The following DACH2 variants were observed in gnomAD, a reference collection of about 807,000 sequenced individuals.
DACH2 encodes dachshund homolog 2.
DACH2 carries 17 observed loss-of-function variants against 35.8 expected under a neutral mutation model. The ratio of observed to expected loss-of-function variants is 0.48; its 90% CI spans 0.33 to 0.71. The LOEUF is 0.71. Among genes scored for constraint, DACH2 ranks in the 30% least tolerant of loss-of-function variants. DACH2 has a pLI of 0.02. For synonymous variants in DACH2, 195 were observed against 177.3 expected (o/e 1.10, Z -0.79); for missense variants, 469 against 472.7 (o/e 0.99, Z 0.07).
At chrX:86,360,293 T>C (rs763745764) in intron 1 of DACH2, among the ~76,000 whole-genome samples, 1 of 111,271 alleles carries the variant, frequency 9.0e-6, no homozygotes, top group African/African-American at 3.3e-5. Context: ...TACAGAATGA[T>C]CTCTTTCCCA....
At chrX:86,169,585 C>CT (rs1313235288) in intron 1 of DACH2, among the ~76,000 whole-genome samples, 2 of 110,168 alleles carry the variant, frequency 1.8e-5, no homozygotes, top group African/African-American at 3.3e-5. Flanking sequence ...TTCGTATTCT[C>CT]TTTTTTTGTC....
chrX:86,637,206 CAAAAAAAAAAAAAAAAAAAA>C (rs772970002), intron 3 of DACH2, among the ~76,000 whole-genome samples: 15 of 7,759 alleles, frequency 1.9e-3, no homozygotes, highest in Admixed American at 0.019. Context: ...ACTGAAAAGC[CAAAAAAAAAAAAAAAAAAAA>C]AAAAAAAAAA....
At chrX:86,610,529 C>A (rs1330609819) in intron 3 of DACH2, among the ~76,000 whole-genome samples, 1 of 108,233 alleles carries the variant, frequency 9.2e-6, no homozygotes, top group African/African-American at 3.4e-5. Context: ...CTCCACCTGC[C>A]AGGCTCAAGC....
intron 3 of DACH2, among the ~76,000 whole-genome samples, chrX:86,637,892 A>T (rs1380853836): frequency 8.9e-6 from 1 of 111,916 alleles, no homozygotes; most frequent in Non-Finnish European, 1.9e-5. Flanking sequence ...GTTAAATTTT[A>T]AAAAATACCA....
intron 3 of DACH2, among the ~76,000 whole-genome samples, chrX:86,517,550 G>T (rs1237383915): frequency 1.8e-5 from 2 of 108,801 alleles, no homozygotes; most frequent in African/African-American, 3.4e-5. Flanking sequence ...CCGAGTAGCT[G>T]GGACTACAGG....
chrX:86,679,841 G>T (rs1188824133), intron 4 of DACH2, among the ~76,000 whole-genome samples: 6 of 110,857 alleles, frequency 5.4e-5, no homozygotes. Context: ...TACAGGAATG[G>T]GTCTGAGCTT....
Position 86,545,002 on chromosome X carries a change from C to T in DACH2, c.640+30611C>T, listed in dbSNP as rs147535777. On this transcript the variant is annotated intron_variant, in intron 3 of 11. Coordinates refer to ENST00000373125, the MANE Select transcript of DACH2 (RefSeq NM_053281.3). ...TAGAGAGGGGGTTTTGCCATGTTGG[C>T]CAGGCTGGTCTCGAATTCCTGACCT... is the stretch of plus-strand genomic sequence containing the variant. Among the ~76,000 whole-genome samples, 579 of 111,707 alleles carry T rather than the reference C, an allele frequency of 5.2e-3. 5 individuals are homozygous for T. Among genetic ancestry groups the T allele is most frequent in the African/African-American group, 0.018 (551 of 30,739 alleles).
chrX:86,183,657 C>T lies in DACH2; in HGVS notation c.488+34549C>T, dbSNP rs780527200. On this transcript the variant is annotated intron_variant, in intron 1 of 11. Transcript: ENST00000373125. ...TTTTCCTTTTTTGTTGTGTCTCTGC[C>T]GGGTTTTGGTATCAGGATGATGCTG... 5.4e-5 allele frequency among the ~76,000 whole-genome samples: 6 copies of T among 111,222 alleles called. No individual in the cohort carries two copies. The East Asian group carries it at 1.1e-3, about 21-fold the overall frequency.
chrX:86,608,766 C>T (rs2039893248), intron 3 of DACH2, among the ~76,000 whole-genome samples: 1 of 111,244 alleles, frequency 9.0e-6, no homozygotes, highest in South Asian at 3.7e-4. Context: ...TTGGTTTTAT[C>T]CTTCAGCACT....
chrX:86,808,021 A>T (rs2042360897), intron 7 of DACH2, among the ~76,000 whole-genome samples: 1 of 111,954 alleles, frequency 8.9e-6, no homozygotes, highest in Admixed American at 9.5e-5. Flanking sequence ...CCTTTCAGCT[A>T]GAGAGTGAAC....
At chrX:86,264,958 G>A (rs1395567045) in intron 1 of DACH2, among the ~76,000 whole-genome samples, 6 of 110,837 alleles carry the variant, frequency 5.4e-5, no homozygotes, top group African/African-American at 2.0e-4. Flanking sequence ...ACAAACCTAG[G>A]GGTAGGAGAA....
chrX:86,391,171 A>G (rs1413992378), intron 2 of DACH2, among the ~76,000 whole-genome samples: 4 of 104,837 alleles, frequency 3.8e-5, no homozygotes, highest in African/African-American at 6.9e-5. Flanking sequence ...AATCCCAGCT[A>G]CTAGGAGACG....
At chrX:86,687,849 A>G (rs943574520) in intron 4 of DACH2, among the ~76,000 whole-genome samples, 3 of 108,180 alleles carry the variant, frequency 2.8e-5, no homozygotes, top group Non-Finnish European at 3.8e-5. Flanking sequence ...CAATGAGAAC[A>G]CATGGACACA....
At chrX:86,746,961 T>G (rs2041719147) in intron 7 of DACH2, among the ~76,000 whole-genome samples, 1 of 111,495 alleles carries the variant, frequency 9.0e-6, no homozygotes, top group African/African-American at 3.3e-5. Flanking sequence ...AAACATTTCC[T>G]CATTGAATTA....
At chrX:86,731,375 C>T (rs908678439) in intron 6 of DACH2, among the ~76,000 whole-genome samples, 1 of 111,347 alleles carries the variant, frequency 9.0e-6, no homozygotes, top group Non-Finnish European at 1.9e-5. Flanking sequence ...CAAGGCAGCA[C>T]CCTCCTTTAA....
rs1345238527 is a variant in DACH2 at position 86,698,514 on chromosome X, G to GTTTTTTTTTTTTTTTTTTTT, written c.931+3339_931+3340insTTTTTTTTTTTTTTTTTTTT. Among the ~76,000 whole-genome samples the GTTTTTTTTTTTTTTTTTTTT allele has an allele frequency of 2.0e-4, 7 of 34,341 alleles. 1 individual carries two copies. Among genetic ancestry groups the GTTTTTTTTTTTTTTTTTTTT allele is most frequent in the Admixed American group, 5.7e-4 (1 of 1,755 alleles). The allele number at this position is 34,341 out of a possible 115,157, so 29.8% of individuals were successfully genotyped here. A position where few individuals can be genotyped will look rare whatever the true frequency, so the allele number is the denominator to read the frequency against. On this transcript the variant is annotated intron_variant, in intron 5 of 11. Coordinates refer to ENST00000373125, the MANE Select transcript of DACH2 (RefSeq NM_053281.3). ...TTAATTTCTTCTTTTTGTTTTGTTA[G>GTTTTTTTTTTTTTTTTTTTT]TTTTGTGTTTTTTTTTTTTTTTTTT...
intron 3 of DACH2, among the ~76,000 whole-genome samples, chrX:86,586,888 C>A (rs1333092419): frequency 2.7e-5 from 3 of 111,362 alleles, no homozygotes; most frequent in Admixed American, 9.5e-5. Flanking sequence ...GTTAGGGTTG[C>A]CTTGGCTATT....
chrX:86,161,430 T>A, intron 1 of DACH2: 1 of 536,579 alleles, frequency 1.9e-6, no homozygotes, highest in Non-Finnish European at 2.8e-6. Context: ...TTACTGACTT[T>A]AACACACCTT....
intron 1 of DACH2, among the ~76,000 whole-genome samples, chrX:86,338,033 G>A (rs906250701): frequency 8.9e-6 from 1 of 111,881 alleles, no homozygotes; most frequent in Non-Finnish European, 1.9e-5. Flanking sequence ...AAATATATAT[G>A]CACCCAATAC....
Sources: allele counts gnomAD v4.1 joint callset (sites outside exome capture counted in the v4.1 genomes callset), GRCh38; gene constraint gnomAD v4.1.1; transcripts MANE v1.5; gene names NCBI Gene and HGNC (gene_info 2026-07-23, HGNC 2026-07-21).